The following SHISA7 variants were observed in gnomAD, a reference collection of about 807,000 sequenced individuals.
SHISA7 encodes protein shisa-7.
A neutral mutation model predicts 23.9 loss-of-function variants in SHISA7; 6 were observed. That is an observed-to-expected ratio of 0.25 (90% CI 0.14 to 0.50). SHISA7 has a LOEUF of 0.50. Ranked by LOEUF, SHISA7 falls within the 20% of genes least tolerant of loss-of-function variation. The pLI, the probability that SHISA7 is intolerant of heterozygous loss-of-function variation, is 0.98. For synonymous variants in SHISA7, 386 were observed against 398.3 expected, an observed-to-expected ratio of 0.97 and a Z score of 0.37; for missense variants, 671 against 801.1, an observed-to-expected ratio of 0.84 and a Z score of 1.96.
chr19:55,435,332 G>A (rs1479300022), intron 3 of SHISA7, among the ~76,000 whole-genome samples: 102 of 116,206 alleles, frequency 8.8e-4, no homozygotes, highest in African/African-American at 3.1e-3. Flanking sequence ...GGTGTGTGTG[G>A]TGTGTGTGTA....
At position 55,442,832 on chromosome 19, in the gene SHISA7, GC is replaced by G; in HGVS notation, c.31del (p.Ala11ProfsTer33). ...CGCCCTGGCCTGGCCGGCGCTAGAG[GC>G]CAGGAGTACGAGGAGCAGGAGGGCC... MPALLLLVLL[A>X]SSAGQARARP... On this transcript the variant is annotated frameshift_variant, in exon 1 of 4. Transcript: ENST00000376325. LOFTEE classifies it high-confidence loss of function. 7.2e-7 allele frequency: 1 copy of G among 1,394,538 alleles called. No homozygotes were observed. The highest frequency in any genetic ancestry group is 9.3e-7 in the Non-Finnish European group (1 of 1,076,074). The allele number at this position is 1,394,538 out of a possible 1,614,324, so 86.4% of individuals were successfully genotyped here.
At position 55,433,061 on chromosome 19, in the gene SHISA7, G is replaced by C. The variant is rs1229438402; in HGVS notation, c.*95C>G. ...CACTCCTGTCCAAGGGCCGATCTGGGCCCCAGGCCCCTGGCATGTGTGCGC... is the reference window on the plus strand; with the variant it reads ...CACTCCTGTCCAAGGGCCGATCTGGCCCCCAGGCCCCTGGCATGTGTGCGC... On this transcript the variant is annotated 3_prime_UTR_variant, in exon 4 of 4. Transcript: ENST00000376325. This position sits in a 1 kb window ranked among gnomAD's most constrained non-coding sequence, Gnocchi z 8.4. 3 of 1,379,128 alleles carry C rather than the reference G, an allele frequency of 2.2e-6. No homozygotes were observed. The highest frequency in any genetic ancestry group is 3.2e-5 in the Admixed American group (1 of 31,176). The allele number at this position is 1,379,128 out of a possible 1,614,324, so 85.4% of individuals were successfully genotyped here. A position where few individuals can be genotyped will look rare whatever the true frequency, so the allele number is the denominator to read the frequency against.
chr19:55,433,656 C>A lies in SHISA7; in HGVS notation c.1117G>T (p.Gly373Cys), dbSNP rs1191366612. 1.3e-6 allele frequency: 2 copies of A among 1,489,928 alleles called. No homozygotes were observed. Among genetic ancestry groups the A allele is most frequent in the African/African-American group, 1.5e-5 (1 of 68,504 alleles). The allele number at this position is 1,489,928 out of a possible 1,614,324, so 92.3% of individuals were successfully genotyped here. A position where few individuals can be genotyped will look rare whatever the true frequency, so the allele number is the denominator to read the frequency against. ...MEAWGGPEEL[G>C]LAPAPNPRRV... Reference sequence around the variant, plus strand: ...CGGGGGTTGGGCGCGGGCGCCAGGCCCAGCTCCTCTGGGCCGCCCCAGGCC... The same window carrying A: ...CGGGGGTTGGGCGCGGGCGCCAGGCACAGCTCCTCTGGGCCGCCCCAGGCC... Residue 373 changes from glycine to cysteine, a missense_variant, in exon 4 of 4, where the codon GGC (glycine) becomes TGC (cysteine). By Grantham distance (159) the Gly-to-Cys change is radical. Around this residue, in one of 5 missense-constraint regions of SHISA7, gnomAD observed 457 missense variants for 488.3 expected, o/e 0.94. Transcript: ENST00000376325. The surrounding 1 kb of genome is among the most constrained non-coding windows in gnomAD (Gnocchi z 8.4).
chr19:55,437,496 G>T (rs1985492242), intron 3 of SHISA7, 109 bp downstream of exon 3: 2 of 1,328,690 alleles, frequency 1.5e-6, no homozygotes, highest in South Asian at 1.6e-5. Context: ...AAACCTGGGA[G>T]AGAAGCTAAA....
chr19:55,441,447 G>A (rs769962844), intron 1 of SHISA7, among the ~76,000 whole-genome samples: 2 of 152,170 alleles, frequency 1.3e-5, no homozygotes, highest in African/African-American at 2.4e-5. Context: ...GCCCACCGCC[G>A]CCAGCTGCAC....
intron 1 of SHISA7, among the ~76,000 whole-genome samples, chr19:55,441,047 G>A (rs1428761228): frequency 6.6e-6 from 1 of 152,032 alleles, no homozygotes; most frequent in Non-Finnish European, 1.5e-5. Flanking sequence ...CCCTGAATCT[G>A]GGACCCCATT....
intron 3 of SHISA7, among the ~76,000 whole-genome samples, chr19:55,434,791 GGTGT>G (rs577758754): frequency 1.6e-4 from 21 of 128,924 alleles, no homozygotes; most frequent in Non-Finnish European, 2.9e-4. Context: ...TGGTGTGTGT[GGTGT>G]GTGTGTGCGT....
At position 55,442,223 on chromosome 19, in the gene SHISA7, G is replaced by T. The variant is rs77493998; in HGVS notation, c.641C>A (p.Pro214His). The T allele has an allele frequency of 6.5e-7, 1 of 1,534,206 alleles. No homozygotes were observed. The highest frequency in any genetic ancestry group is 2.5e-5 in the East Asian group (1 of 40,668). ...CACGTTGATATCCCGGTGCGCCCGGGGCGCACGGGACGCCTTGCTGAAGGC... is the reference window on the plus strand; with the variant it reads ...CACGTTGATATCCCGGTGCGCCCGGTGCGCACGGGACGCCTTGCTGAAGGC... ...KVAFSKASRA[P>H]RAHRDINVPR... The change falls in exon 1 of 4, where the codon CCC (proline) becomes CAC (histidine). Residue 214 changes from proline (P) to histidine (H), a missense_variant. Around this residue, in one of 5 missense-constraint regions of SHISA7, gnomAD observed 457 missense variants for 488.3 expected, o/e 0.94. Transcript: ENST00000376325.
chr19:55,439,292 C>G (rs565495653), intron 2 of SHISA7, among the ~76,000 whole-genome samples: 1 of 152,350 alleles, frequency 6.6e-6, no homozygotes, highest in Admixed American at 6.5e-5. Flanking sequence ...CCTTGAAGCC[C>G]TTCTTCCCAT....
intron 3 of SHISA7, 123 bp downstream of exon 3, chr19:55,437,482 A>T: frequency 7.9e-7 from 1 of 1,265,472 alleles, no homozygotes; most frequent in East Asian, 2.8e-5. Context: ...ACGAACTTGG[A>T]GTAAAACCTG....
At chr19:55,437,513 G>C in intron 3 of SHISA7, 92 bp downstream of exon 3, 1 of 1,404,452 alleles carries the variant, frequency 7.1e-7, no homozygotes, top group African/African-American at 1.5e-5. Context: ...TAAACCATTG[G>C]AAGGCTCTTG....
intron 3 of SHISA7, among the ~76,000 whole-genome samples, chr19:55,434,679 G>T (rs1199248224): frequency 3.2e-5 from 4 of 126,754 alleles, no homozygotes; most frequent in Non-Finnish European, 6.6e-5. Flanking sequence ...TATGGTGTGT[G>T]GTGTGTGTGT....
intron 3 of SHISA7, among the ~76,000 whole-genome samples, chr19:55,435,589 C>CAAAA (rs1160895563): frequency 9.2e-4 from 61 of 66,370 alleles, no homozygotes; most frequent in East Asian, 1.3e-3. Flanking sequence ...TCCATCTCTA[C>CAAAA]AAAAAAAAAA....
chr19:55,437,680 G>C lies in SHISA7; in HGVS notation c.901C>G (p.Leu301Val). The C allele has an allele frequency of 6.4e-7, 1 of 1,551,582 alleles. No homozygotes were observed. ...TCGTAGGACGGGGGCAGATGCGAGA[G>C]GTTGTGGAAGGACCGAGAGCAGGAC... Reference protein sequence around the residue: ...TLSCSRSFHNLSHLPPSYEAA... With the variant: ...TLSCSRSFHNVSHLPPSYEAA... Residue 301 changes from leucine to valine, a missense_variant, in exon 3 of 4, where the codon CTC (leucine) becomes GTC (valine). By Grantham distance (32) the Leu-to-Val change is conservative. Coordinates refer to ENST00000376325, the MANE Select transcript of SHISA7 (RefSeq NM_001145176.2).
intron 1 of SHISA7, 75 bp from the exon 2 acceptor site, chr19:55,440,840 T>G (rs1251216305): frequency 8.3e-7 from 1 of 1,202,518 alleles, no homozygotes; most frequent in African/African-American, 1.6e-5. Flanking sequence ...TTCTTTCCGC[T>G]CCCTGCTCTC....
In SHISA7 at chr19:55,433,538, T is replaced by C; in HGVS notation, c.1235A>G (p.His412Arg). 4 of 1,491,374 alleles carry C rather than the reference T, an allele frequency of 2.7e-6. No homozygotes were observed. Among genetic ancestry groups the C allele is most frequent in the Non-Finnish European group, 2.7e-6 (3 of 1,127,206 alleles). The allele number at this position is 1,491,374 out of a possible 1,614,324, so 92.4% of individuals were successfully genotyped here. The change falls in exon 4 of 4, where the codon CAC (histidine) becomes CGC (arginine). Residue 412 changes from histidine to arginine, a missense_variant. Transcript: ENST00000376325. The surrounding 1 kb of genome is among the most constrained non-coding windows in gnomAD (Gnocchi z 8.4). ...GGCCTCGGGCGAGGACAGCAGCAGG[T>C]GCTCCTGCGACACCAGGCGCGCGCG... is the stretch of plus-strand genomic sequence containing the variant. ...LPRARLVSQE[H>R]LLLSSPEALR...
At chr19:55,438,458 G>T (rs1335222559) in intron 2 of SHISA7, 12 of 1,038,210 alleles carry the variant, frequency 1.2e-5, no homozygotes, top group African/African-American at 8.3e-5. Flanking sequence ...GCTCACAGGG[G>T]TCTCACTCCT....
chr19:55,437,736 G>A lies in SHISA7; in HGVS notation c.845C>T (p.Pro282Leu), dbSNP rs1034161625. 3.9e-6 allele frequency: 6 copies of A among 1,550,698 alleles called. No homozygotes were observed. The highest frequency in any genetic ancestry group is 4.9e-5 in the East Asian group (2 of 40,872). ...GGAGTAGTGCAAGGAGGGGCTGGGCGGCGGCAAGGCTCGCCAGTCTGGGTT... is the reference window on the plus strand; with the variant it reads ...GGAGTAGTGCAAGGAGGGGCTGGGCAGCGGCAAGGCTCGCCAGTCTGGGTT... ...TPNLDWRALP[P>L]PSPSLHYSTL... The change falls in exon 3 of 4, where the codon CCG (proline) becomes CTG (leucine). Residue 282 changes from proline (P) to leucine (L), a missense_variant. Physicochemically the swap from Pro to Leu is moderately conservative, Grantham distance 98 (BLOSUM62 -3). Around this residue, in one of 5 missense-constraint regions of SHISA7, gnomAD observed 457 missense variants for 488.3 expected, o/e 0.94. Transcript: ENST00000376325.
At chr19:55,435,204 GGT>G (rs998294748) in intron 3 of SHISA7, among the ~76,000 whole-genome samples, 6 of 131,640 alleles carry the variant, frequency 4.6e-5, no homozygotes, top group South Asian at 2.6e-4. Flanking sequence ...ATGTGTGTGT[GGT>G]GTGTGTATGG....
Sources: gnomAD v4.1 joint callset for allele counts (sites outside exome capture counted in the v4.1 genomes callset) on GRCh38, gnomAD v4.1.1 for gene constraint, gnomAD v4.1.1 regional missense constraint, Gnocchi (gnomAD v3.1) non-coding constraint, MANE v1.5 for transcripts, NCBI Gene and HGNC (gene_info 2026-07-23, HGNC 2026-07-21) for gene names.